Variants in SLC39A10 observed in about 807,000 individuals in gnomAD.
The protein encoded by SLC39A10 is solute carrier family 39 member 10, also known as zinc transporter ZIP10.
A neutral mutation model predicts 65.1 loss-of-function variants in SLC39A10; 13 were observed. The ratio of observed to expected loss-of-function variants is 0.20; its 90% CI spans 0.13 to 0.32. The LOEUF (loss-of-function observed/expected upper bound fraction) is 0.32, where lower values mean the gene tolerates loss of function less well. SLC39A10 is among the 10% of genes least tolerant of loss of function. The probability of loss-of-function intolerance (pLI) is 1.00; values close to 1 mark genes in which losing one functional copy is unlikely to be tolerated. For missense variants in SLC39A10, 831 were observed against 1,018.4 expected, an observed-to-expected ratio of 0.82 and a Z score of 2.50; for synonymous variants, 321 against 342.2, an observed-to-expected ratio of 0.94 and a Z score of 0.68.
chr2:195,622,972 C>CAAAAAAAAAA (rs11440347), intron 2 of SLC39A10, among the ~76,000 whole-genome samples: 1 of 96,868 alleles, frequency 1.0e-5, no homozygotes. Flanking sequence ...ACTCCTGTCT[C>CAAAAAAAAAA]AAAAAAAAAA....
At chr2:195,617,968 A>T (rs111538220) in intron 2 of SLC39A10, among the ~76,000 whole-genome samples, 67,634 of 149,216 alleles carry the variant, frequency 0.45, 16,020 homozygotes, top group Non-Finnish European at 0.54. Context: ...CTCAATCTCC[A>T]GACCTCGTGA....
At chr2:195,657,699 T>C in intron 1 of SLC39A10, 1 of 933,262 alleles carries the variant, frequency 1.1e-6, no homozygotes, top group Middle Eastern at 5.5e-4. Context: ...CGGCCGCGGA[T>C]GGCGTCGCAG....
chr2:195,690,184 A>G (rs957462383), intron 3 of SLC39A10, among the ~76,000 whole-genome samples: 6 of 150,776 alleles, frequency 4.0e-5, no homozygotes, highest in African/African-American at 9.7e-5. Context: ...AAAAAAAAAA[A>G]AAAAAAAAAA....
intron 3 of SLC39A10, among the ~76,000 whole-genome samples, chr2:195,689,639 C>T (rs1482066022): frequency 1.3e-5 from 2 of 152,042 alleles, no homozygotes; most frequent in Non-Finnish European, 2.9e-5. Flanking sequence ...TGTTACACAA[C>T]GATCCATACT....
intron 1 of SLC39A10, among the ~76,000 whole-genome samples, chr2:195,678,527 T>G (rs1690179535): frequency 6.6e-6 from 1 of 151,838 alleles, no homozygotes; most frequent in Non-Finnish European, 1.5e-5. Flanking sequence ...ATTGTGGTAG[T>G]CTTCTCCCAG....
Position 195,706,699 on chromosome 2 carries a change from G to A in SLC39A10, c.1300G>A (p.Gly434Arg). The A allele has an allele frequency of 6.2e-7, 1 of 1,606,820 alleles. No homozygotes were observed. Among genetic ancestry groups the A allele is most frequent in the South Asian group, 1.1e-5 (1 of 90,418 alleles). ...GVILVPIINQGCFKFLLTFLV... is the reference protein window; with the variant it reads ...GVILVPIINQRCFKFLLTFLV... ...GATCTTGGTTCCTATCATTAACCAA[G>A]GATGCTTCAAATTCCTTCTTACATT... Residue 434 changes from glycine to arginine, a missense_variant, in exon 4 of 10, where the codon GGA becomes AGA. This residue lies in a region of SLC39A10 where 35 missense variants were observed against 72.4 expected (regional missense o/e 0.48). Transcript: ENST00000359634.
At chr2:195,668,672 A>G (rs773582898) in intron 1 of SLC39A10, among the ~76,000 whole-genome samples, 3 of 152,188 alleles carry the variant, frequency 2.0e-5, no homozygotes, top group Non-Finnish European at 2.9e-5. Context: ...AATACTCCCT[A>G]GAGTAAAAAG....
intron 2 of SLC39A10, among the ~76,000 whole-genome samples, chr2:195,620,986 C>G (rs1243393091): frequency 6.6e-6 from 1 of 152,142 alleles, no homozygotes; most frequent in Non-Finnish European, 1.5e-5. Context: ...ATGCAGGGGA[C>G]AGAGAATCCT....
intron 1 of SLC39A10, among the ~76,000 whole-genome samples, chr2:195,676,397 A>AT (rs1559028281): frequency 6.6e-6 from 1 of 151,006 alleles, no homozygotes; most frequent in Non-Finnish European, 1.5e-5. Context: ...ATTATAGAGT[A>AT]TTTTTTAAAG....
intron 2 of SLC39A10, among the ~76,000 whole-genome samples, chr2:195,627,005 C>G (rs144246595): frequency 2.6e-4 from 40 of 152,290 alleles, no homozygotes; most frequent in African/African-American, 8.4e-4. Flanking sequence ...AAGCATTAAT[C>G]TGTATTTCTG....
At chr2:195,647,030 T>C (rs533976215) in intron 2 of SLC39A10, among the ~76,000 whole-genome samples, 2 of 152,328 alleles carry the variant, frequency 1.3e-5, no homozygotes, top group African/African-American at 4.8e-5. Context: ...TATCTTCCTC[T>C]GACTCTCCTC....
At chr2:195,665,354 C>T (rs897334996) in intron 1 of SLC39A10, among the ~76,000 whole-genome samples, 5 of 152,116 alleles carry the variant, frequency 3.3e-5, no homozygotes, top group African/African-American at 7.2e-5. Flanking sequence ...TGTGGTGCTG[C>T]GCACCTGTAG....
intron 2 of SLC39A10, among the ~76,000 whole-genome samples, chr2:195,632,700 C>T (rs1688613922): frequency 6.6e-6 from 1 of 152,188 alleles, no homozygotes; most frequent in Non-Finnish European, 1.5e-5. Flanking sequence ...AGACCCATTT[C>T]TACCCATGAA....
At chr2:195,623,016 C>G (rs1289432290) in intron 2 of SLC39A10, among the ~76,000 whole-genome samples, 1 of 146,776 alleles carries the variant, frequency 6.8e-6, no homozygotes, top group Non-Finnish European at 1.5e-5. Flanking sequence ...GAACATCATT[C>G]ATGTCTGGGC....
At chr2:195,720,237 C>CT (rs1293456194) in intron 8 of SLC39A10, among the ~76,000 whole-genome samples, 3 of 152,174 alleles carry the variant, frequency 2.0e-5, no homozygotes, top group Non-Finnish European at 4.4e-5. Context: ...TTAACTTTTT[C>CT]TTTTTTACCA....
chr2:195,659,422 A>G (rs1689296142), intron 1 of SLC39A10, among the ~76,000 whole-genome samples: 1 of 152,174 alleles, frequency 6.6e-6, no homozygotes, highest in Non-Finnish European at 1.5e-5. Context: ...GTATGCAAGT[A>G]CTAATCTAGG....
chr2:195,680,024 C>T lies in SLC39A10; in HGVS notation c.-11-8C>T, dbSNP rs1690240245. 1.3e-6 allele frequency: 2 copies of T among 1,560,332 alleles called. No homozygotes were observed. Among genetic ancestry groups the T allele is most frequent in the East Asian group, 4.5e-5 (2 of 44,412 alleles). ...CTAATACTTGTCTCTCTCTTTAAATCTCTTTAGGAAAAATAGAAATGAAGG... is the reference window on the plus strand; with the variant it reads ...CTAATACTTGTCTCTCTCTTTAAATTTCTTTAGGAAAAATAGAAATGAAGG... On this transcript the variant is annotated splice_region_variant and splice_polypyrimidine_tract_variant and intron_variant, in intron 1 of 9. Coordinates refer to ENST00000359634, the MANE Select transcript of SLC39A10 (RefSeq NM_020342.3).
At chr2:195,705,393 G>A (rs1333061735) in intron 3 of SLC39A10, among the ~76,000 whole-genome samples, 1 of 152,132 alleles carries the variant, frequency 6.6e-6, no homozygotes, top group Non-Finnish European at 1.5e-5. Flanking sequence ...TTTTAATTCG[G>A]TGAGATAATT....
At chr2:195,618,529 C>T (rs1688276998) in intron 2 of SLC39A10, among the ~76,000 whole-genome samples, 1 of 152,166 alleles carries the variant, frequency 6.6e-6, no homozygotes, top group Non-Finnish European at 1.5e-5. Context: ...TAATATTTTA[C>T]ATAGGTGTTG....
Sources: gnomAD v4.1 joint callset for allele counts (sites outside exome capture counted in the v4.1 genomes callset) on GRCh38, gnomAD v4.1.1 for gene constraint, gnomAD v4.1.1 regional missense constraint, MANE v1.5 for transcripts, NCBI Gene and HGNC (gene_info 2026-07-23, HGNC 2026-07-21) for gene names.